The following OPCML variants were observed in gnomAD, a reference collection of about 807,000 sequenced individuals.
The protein encoded by OPCML is opioid-binding protein/cell adhesion molecule.
Under a neutral mutation model 37.8 loss-of-function variants are expected in OPCML, and 13 were observed. The observed-to-expected ratio is 0.34, with a 90% CI of 0.22 to 0.55. The LOEUF (loss-of-function observed/expected upper bound fraction) is 0.55. Ranked by LOEUF, OPCML falls within the 20% of genes least tolerant of loss-of-function variation. OPCML has a pLI of 0.91. For missense variants in OPCML, 341 were observed against 435.6 expected, an observed-to-expected ratio of 0.78 and a Z score of 1.93; for synonymous variants, 176 against 168.8, an observed-to-expected ratio of 1.04 and a Z score of -0.33.
intron 1 of OPCML, among the ~76,000 whole-genome samples, chr11:133,082,169 C>T (rs1328597018): frequency 6.6e-6 from 1 of 151,892 alleles, no homozygotes; most frequent in Non-Finnish European, 1.5e-5. Context: ...GGGCCTGGGC[C>T]TCCGCCTCGG....
chr11:132,759,516 G>T (rs929197646), intron 2 of OPCML, among the ~76,000 whole-genome samples: 1 of 151,952 alleles, frequency 6.6e-6, no homozygotes, highest in African/African-American at 2.4e-5. Flanking sequence ...ATTACTTCCG[G>T]GATTAGTCTT....
chr11:133,354,283 A>ATGATGGTGG (rs1565588729), intron 1 of OPCML, among the ~76,000 whole-genome samples: 1 of 13,976 alleles, frequency 7.2e-5, no homozygotes, highest in African/African-American at 2.7e-4. Flanking sequence ...GGTGATAGTG[A>ATGATGGTGG]TGGTGGTGCT....
intron 2 of OPCML, among the ~76,000 whole-genome samples, chr11:132,863,382 C>T (rs536800980): frequency 2.0e-5 from 3 of 152,272 alleles, no homozygotes; most frequent in African/African-American, 7.2e-5. Flanking sequence ...GTGAATATGA[C>T]ACAACGGGTA....
chr11:133,304,166 G>C (rs1288032777), intron 1 of OPCML, among the ~76,000 whole-genome samples: 1 of 152,188 alleles, frequency 6.6e-6, no homozygotes, highest in South Asian at 2.1e-4. Flanking sequence ...AGCGTCTACT[G>C]CCAACAGCTC....
At chr11:132,964,083 C>T (rs2136732366) in intron 1 of OPCML, among the ~76,000 whole-genome samples, 1 of 152,224 alleles carries the variant, frequency 6.6e-6, no homozygotes, top group South Asian at 2.1e-4. Flanking sequence ...ACCCAGAGGG[C>T]AAGACACACC....
intron 1 of OPCML, among the ~76,000 whole-genome samples, chr11:133,393,254 G>A (rs1286888780): frequency 6.6e-6 from 1 of 152,130 alleles, no homozygotes. Context: ...TATTAAATGA[G>A]GTGTCTTTAA....
chr11:133,483,528 A>G (rs1947430009), intron 1 of OPCML, among the ~76,000 whole-genome samples: 1 of 152,020 alleles, frequency 6.6e-6, no homozygotes, highest in Admixed American at 6.6e-5. Context: ...ATACATAGAT[A>G]CATAGATGAT....
At chr11:133,055,849 C>T (rs534028282) in intron 1 of OPCML, among the ~76,000 whole-genome samples, 259 of 151,270 alleles carry the variant, frequency 1.7e-3, no homozygotes, top group Non-Finnish European at 2.9e-3. Context: ...CCGCCTCTAC[C>T]GTATAATGCT....
intron 2 of OPCML, chr11:132,859,626 C>T (rs983503279): frequency 6.6e-6 from 1 of 152,208 alleles, no homozygotes; most frequent in South Asian, 2.1e-4. Context: ...TTGATTATTA[C>T]AGCAGCTTCC....
At chr11:133,334,673 T>C (rs1943702557) in intron 1 of OPCML, among the ~76,000 whole-genome samples, 1 of 152,178 alleles carries the variant, frequency 6.6e-6, no homozygotes, top group Non-Finnish European at 1.5e-5. Context: ...GAAAAAACAC[T>C]TTAACCCATT....
intron 3 of OPCML, among the ~76,000 whole-genome samples, chr11:132,591,681 A>G (rs1156728549): frequency 6.6e-6 from 1 of 152,210 alleles, no homozygotes; most frequent in Non-Finnish European, 1.5e-5. Context: ...TTCTGCCTCC[A>G]CAGGCACCTA....
At chr11:132,851,390 A>G (rs1049800085) in intron 2 of OPCML, among the ~76,000 whole-genome samples, 4 of 152,194 alleles carry the variant, frequency 2.6e-5, no homozygotes, top group African/African-American at 9.7e-5. Flanking sequence ...AAAAATCTGA[A>G]GAACCCCAGG....
At chr11:133,326,289 G>GTGTGTGTA (rs558536793) in intron 1 of OPCML, among the ~76,000 whole-genome samples, 1,845 of 94,610 alleles carry the variant, frequency 0.02, 124 homozygotes, top group African/African-American at 0.1. Flanking sequence ...GGGGGTGTGG[G>GTGTGTGTA]TGTGTGTGGG....
intron 2 of OPCML, chr11:132,859,684 G>A (rs1435637683): frequency 6.6e-6 from 1 of 152,180 alleles, no homozygotes; most frequent in African/African-American, 2.4e-5. Context: ...AAATTCTAAC[G>A]TTAAAGGTTA....
chr11:133,364,026 C>T (rs1338735431), intron 1 of OPCML, among the ~76,000 whole-genome samples: 3 of 152,194 alleles, frequency 2.0e-5, no homozygotes, highest in Non-Finnish European at 2.9e-5. Flanking sequence ...CCTCCCACTC[C>T]TACTCCTCCC....
At chr11:132,902,586 T>C (rs780671893) in intron 2 of OPCML, among the ~76,000 whole-genome samples, 3 of 152,118 alleles carry the variant, frequency 2.0e-5, no homozygotes, top group African/African-American at 7.2e-5. Flanking sequence ...ACTGGGCTTG[T>C]TGGGGCTCAG....
chr11:133,065,721 A>G (rs1159335304), intron 1 of OPCML: 2 of 152,288 alleles, frequency 1.3e-5, no homozygotes, highest in Non-Finnish European at 2.9e-5. Context: ...ACTTGGACTC[A>G]CTGGATGGGA....
chr11:133,105,632 G>C (rs1487477376), intron 1 of OPCML, among the ~76,000 whole-genome samples: 4 of 152,150 alleles, frequency 2.6e-5, no homozygotes, highest in Non-Finnish European at 5.9e-5. Flanking sequence ...AAAGAAAAAT[G>C]GCTCAAAAAG....
intron 1 of OPCML, among the ~76,000 whole-genome samples, chr11:133,397,862 T>C (rs1945320686): frequency 6.6e-6 from 1 of 152,252 alleles, no homozygotes; most frequent in South Asian, 2.1e-4. Context: ...GGTCTCATAT[T>C]GATCCTTTGA....
Sources: allele counts gnomAD v4.1 joint callset (sites outside exome capture counted in the v4.1 genomes callset), GRCh38; gene constraint gnomAD v4.1.1; transcripts MANE v1.5; gene names NCBI Gene and HGNC (gene_info 2026-07-23, HGNC 2026-07-21).